The following UNCX variants were observed in gnomAD, a reference collection of about 807,000 sequenced individuals.
UNCX encodes the protein UNC homeobox.
UNCX carries 4 observed loss-of-function variants against 14.8 expected under a neutral mutation model. The ratio of observed to expected loss-of-function variants is 0.27; its 90% CI spans 0.13 to 0.62. The LOEUF (loss-of-function observed/expected upper bound fraction) is 0.62, where lower values mean the gene tolerates loss of function less well. Among genes scored for constraint, UNCX ranks in the 20% least tolerant of loss-of-function variants. UNCX has a pLI of 0.86. For missense variants in UNCX, 749 were observed against 786.8 expected (o/e 0.95, Z 0.58); for synonymous variants, 459 against 395.8 (o/e 1.16, Z -1.90).
chr7:1,233,467 G>C lies in UNCX; in HGVS notation c.275-53G>C. On this transcript the variant is annotated intron_variant, in intron 1 of 2. Transcript: ENST00000316333. The surrounding 1 kb of genome is among the most constrained non-coding windows in gnomAD (Gnocchi z 5.3). The stretch of plus-strand genomic sequence containing the variant: ...GCGGGTAGCGGGAGGGAGGGGTGGG[G>C]GTCGGGCCTGGGCCGGTGGCTGAGC... The C allele has an allele frequency of 6.7e-7, 1 of 1,491,710 alleles. No individual in the cohort carries two copies. The allele number at this position is 1,491,710 out of a possible 1,614,324, so 92.4% of individuals were successfully genotyped here.
At position 1,236,897 on chromosome 7, in the gene UNCX, C is replaced by G; in HGVS notation, c.1516C>G (p.Pro506Ala). Reference sequence around the variant, plus strand: ...TCGGCCTCCCAGCCCCGCCGAGGAGCCGGCCACCTGCGGGGTTCCCGAGCC... The same window carrying G: ...TCGGCCTCCCAGCCCCGCCGAGGAGGCGGCCACCTGCGGGGTTCCCGAGCC... Reference protein sequence around the residue: ...GPRPPSPAEEPATCGVPEPGA... With the variant: ...GPRPPSPAEEAATCGVPEPGA... Residue 506 changes from proline (P) to alanine (A), a missense_variant, in exon 3 of 3, where the codon CCG becomes GCG. By Grantham distance (27) the Pro-to-Ala change is conservative. Around this residue, in one of 3 missense-constraint regions of UNCX, gnomAD observed 552 missense variants for 507.2 expected, o/e 1.09. Coordinates refer to ENST00000316333, the MANE Select transcript of UNCX (RefSeq NM_001080461.3). This position sits in a 1 kb window ranked among gnomAD's most constrained non-coding sequence, Gnocchi z 6.9. 1.7e-6 allele frequency: 2 copies of G among 1,146,952 alleles called. No individual in the cohort carries two copies. The highest frequency in any genetic ancestry group is 2.1e-6 in the Non-Finnish European group (2 of 934,204). The allele number at this position is 1,146,952 out of a possible 1,614,324, so 71.0% of individuals were successfully genotyped here.
rs749373332 is a variant in UNCX at position 1,233,707 on chromosome 7, G to C, written c.450+12G>C. 1.9e-6 allele frequency: 3 copies of C among 1,583,956 alleles called. No homozygotes were observed. The East Asian group carries it at 7.0e-5, about 37-fold the overall frequency. On this transcript the variant is annotated intron_variant, in intron 2 of 2. Transcript: ENST00000316333. The surrounding 1 kb of genome is among the most constrained non-coding windows in gnomAD (Gnocchi z 5.3). ...AGTCCCGAGTTCAGGTAAAGACCCG[G>C]CGTCGCTCCCGGATCTGCCATCCGG...
chr7:1,233,722 C>A lies in UNCX; in HGVS notation c.450+27C>A, dbSNP rs372224174. ...TAAAGACCCGGCGTCGCTCCCGGAT[C>A]TGCCATCCGGACCCCAGGCTCTGGG... On this transcript the variant is annotated intron_variant, in intron 2 of 2. Transcript: ENST00000316333. This position sits in a 1 kb window ranked among gnomAD's most constrained non-coding sequence, Gnocchi z 5.3. The A allele has an allele frequency of 1.9e-6, 3 of 1,576,812 alleles. No individual in the cohort carries two copies. The highest frequency in any genetic ancestry group is 2.6e-6 in the Non-Finnish European group (3 of 1,157,024).
chr7:1,234,076 AC>A lies in UNCX; in HGVS notation c.450+390del, dbSNP rs751327990. Among the ~76,000 whole-genome samples the A allele has an allele frequency of 2.1e-3, 268 of 126,654 alleles. 2 individuals are homozygous for A. Among genetic ancestry groups the A allele is most frequent in the Admixed American group, 2.8e-3 (36 of 12,732 alleles). 83.1% of individuals were successfully genotyped at this position (126,654 alleles called of 152,430 possible). ...CGACCCGGAGGAGAGAGGGAAGGGG[AC>A]CCCCCCCCGCCCCCGCACCGCCTCA... On this transcript the variant is annotated intron_variant, in intron 2 of 2. Coordinates refer to ENST00000316333, the MANE Select transcript of UNCX (RefSeq NM_001080461.3).
At position 1,236,357 on chromosome 7, in the gene UNCX, C is replaced by A; in HGVS notation, c.976C>A (p.Leu326Met). Residue 326 changes from leucine (L) to methionine (M), a missense_variant, in exon 3 of 3, where the codon CTG becomes ATG. By Grantham distance (15) the Leu-to-Met change is conservative. Around this residue, in one of 3 missense-constraint regions of UNCX, gnomAD observed 552 missense variants for 507.2 expected, o/e 1.09. Coordinates refer to ENST00000316333, the MANE Select transcript of UNCX (RefSeq NM_001080461.3). This position sits in a 1 kb window ranked among gnomAD's most constrained non-coding sequence, Gnocchi z 6.9. The stretch of plus-strand genomic sequence containing the variant: ...GGCGGTGGAGCGCGGCGCCGCGGGG[C>A]TGCCCAAGGCCAGCCCATTCAGCGT... Reference protein sequence around the residue: ...VAAVERGAAGLPKASPFSVES... With the variant: ...VAAVERGAAGMPKASPFSVES... 1 of 1,321,722 alleles carries A rather than the reference C, an allele frequency of 7.6e-7. No individual in the cohort carries two copies. The highest frequency in any genetic ancestry group is 9.7e-7 in the Non-Finnish European group (1 of 1,034,178). The allele number at this position is 1,321,722 out of a possible 1,614,324, so 81.9% of individuals were successfully genotyped here.
Position 1,236,298 on chromosome 7 carries a change from A to G in UNCX, c.917A>G (p.Asp306Gly). 1 of 1,363,686 alleles carries G rather than the reference A, an allele frequency of 7.3e-7. No homozygotes were observed. The highest frequency in any genetic ancestry group is 1.5e-5 in the South Asian group (1 of 68,904). 84.5% of individuals were successfully genotyped at this position (1,363,686 alleles called of 1,614,324 possible). ...CGCCCAGGTCGCCCTGCGGACAAGG[A>G]CGCGGCCTCGTGCGGGCCAGGGGCC... ...QPRPGRPADK[D>G]AASCGPGAAV... The change falls in exon 3 of 3, where the codon GAC (aspartate) becomes GGC (glycine). Residue 306 changes from aspartate (D) to glycine (G), a missense_variant. Around this residue, in one of 3 missense-constraint regions of UNCX, gnomAD observed 552 missense variants for 507.2 expected, o/e 1.09. Transcript: ENST00000316333. This position sits in a 1 kb window ranked among gnomAD's most constrained non-coding sequence, Gnocchi z 6.9.
chr7:1,233,102 G>A lies in UNCX; in HGVS notation c.85G>A (p.Gly29Ser). Reference protein sequence around the residue: ...GGVVGFPYPLGHHHVYELAGH... With the variant: ...GGVVGFPYPLSHHHVYELAGH... Reference sequence around the variant, plus strand: ...CGTGGTGGGCTTCCCCTACCCGCTGGGCCACCACCACGTGTACGAGCTGGC... The same window carrying A: ...CGTGGTGGGCTTCCCCTACCCGCTGAGCCACCACCACGTGTACGAGCTGGC... Residue 29 changes from glycine to serine, a missense_variant, in exon 1 of 3, where the codon GGC becomes AGC. By Grantham distance (56) the Gly-to-Ser change is moderately conservative (BLOSUM62 0). Transcript: ENST00000316333. The surrounding 1 kb of genome is among the most constrained non-coding windows in gnomAD (Gnocchi z 5.3). The A allele has an allele frequency of 1.4e-6, 2 of 1,460,112 alleles. No individual in the cohort carries two copies. Among genetic ancestry groups the A allele is most frequent in the Non-Finnish European group, 9.0e-7 (1 of 1,109,010 alleles). 90.4% of individuals were successfully genotyped at this position (1,460,112 alleles called of 1,614,324 possible). A position where few individuals can be genotyped will look rare whatever the true frequency, so the allele number is the denominator to read the frequency against.
rs1275542369 is a variant in UNCX, at chr7:1,237,082, T to C, written c.*105T>C. 6.6e-6 allele frequency: 6 copies of C among 908,030 alleles called. No homozygotes were observed. In the African/African-American group the frequency reaches 9.0e-5, roughly 14 times the overall value. 56.2% of individuals were successfully genotyped at this position (908,030 alleles called of 1,614,324 possible). On this transcript the variant is annotated 3_prime_UTR_variant, in exon 3 of 3. Transcript: ENST00000316333. The surrounding 1 kb of genome is among the most constrained non-coding windows in gnomAD (Gnocchi z 5.8). ...TCGGCTCTAGAAACACTGCTTTCCC[T>C]TCTTTTCTTTTGTTTTCTTTCTTTT...
chr7:1,234,078 C>G (rs890669837), intron 2 of UNCX, among the ~76,000 whole-genome samples: 1 of 149,108 alleles, frequency 6.7e-6, no homozygotes, highest in South Asian at 2.2e-4. Flanking sequence ...GGAAGGGGAC[C>G]CCCCCCCGCC....
rs888281960 is a variant in UNCX at position 1,233,092 on chromosome 7, C to T, written c.75C>T (p.Pro25=). 11 of 1,455,966 alleles carry T rather than the reference C, an allele frequency of 7.6e-6. No homozygotes were observed. The highest frequency in any genetic ancestry group is 2.2e-4 in the Middle Eastern group (1 of 4,504). 90.2% of individuals were successfully genotyped at this position (1,455,966 alleles called of 1,614,324 possible). The part of the protein sequence containing the change: ...GGSLGGVVGF[P]YPLGHHHVYE... Reference sequence around the variant, plus strand: ...CGCTGGGCGGCGTGGTGGGCTTCCCCTACCCGCTGGGCCACCACCACGTGT... The same window carrying T: ...CGCTGGGCGGCGTGGTGGGCTTCCCTTACCCGCTGGGCCACCACCACGTGT... The change falls in exon 1 of 3, where the codon CCC becomes CCT. Residue 25 remains proline, a synonymous_variant. Coordinates refer to ENST00000316333, the MANE Select transcript of UNCX (RefSeq NM_001080461.3). This position sits in a 1 kb window ranked among gnomAD's most constrained non-coding sequence, Gnocchi z 5.3.
chr7:1,233,133 A>G lies in UNCX; in HGVS notation c.116A>G (p.His39Arg). ...GHHHVYELAG[H>R]QLQSAAAAAS... Reference sequence around the variant, plus strand: ...CACCACGTGTACGAGCTGGCCGGGCACCAGCTGCAGTCGGCCGCCGCCGCC... The same window carrying G: ...CACCACGTGTACGAGCTGGCCGGGCGCCAGCTGCAGTCGGCCGCCGCCGCC... Residue 39 changes from histidine to arginine, a missense_variant, in exon 1 of 3, where the codon CAC (histidine) becomes CGC (arginine). Coordinates refer to ENST00000316333, the MANE Select transcript of UNCX (RefSeq NM_001080461.3). The surrounding 1 kb of genome is among the most constrained non-coding windows in gnomAD (Gnocchi z 5.3). 1.4e-6 allele frequency: 2 copies of G among 1,463,602 alleles called. No homozygotes were observed. The highest frequency in any genetic ancestry group is 1.3e-5 in the South Asian group (1 of 77,658). The allele number at this position is 1,463,602 out of a possible 1,614,324, so 90.7% of individuals were successfully genotyped here.
At chr7:1,234,081 C>A (rs900517806) in intron 2 of UNCX, among the ~76,000 whole-genome samples, 2 of 151,566 alleles carry the variant, frequency 1.3e-5, no homozygotes, top group Non-Finnish European at 2.9e-5. Flanking sequence ...AGGGGACCCC[C>A]CCCCGCCCCC....
Position 1,236,439 on chromosome 7 carries a change from CCGCCGCCGCCG to C in UNCX, c.1061_1071del (p.Ala354GlyfsTer205). The C allele has an allele frequency of 7.3e-7, 1 of 1,363,140 alleles. No homozygotes were observed. The highest frequency in any genetic ancestry group is 1.5e-5 in the South Asian group (1 of 66,874). 84.4% of individuals were successfully genotyped at this position (1,363,140 alleles called of 1,614,324 possible). A position where few individuals can be genotyped will look rare whatever the true frequency, so the allele number is the denominator to read the frequency against. On this transcript the variant is annotated frameshift_variant, in exon 3 of 3. Coordinates refer to ENST00000316333, the MANE Select transcript of UNCX (RefSeq NM_001080461.3). LOFTEE classifies it low-confidence loss of function (END_TRUNC). This position sits in a 1 kb window ranked among gnomAD's most constrained non-coding sequence, Gnocchi z 6.9. ...CGGAAAGCCGCTTCCAACGCCGCCG[CCGCCGCCGCCG>C]CGGGGCTGGACTTCGCGCCCGGGCT...
At position 1,236,489 on chromosome 7, in the gene UNCX, C is replaced by A; in HGVS notation, c.1108C>A (p.Arg370=). 1 of 1,399,996 alleles carries A rather than the reference C, an allele frequency of 7.1e-7. No homozygotes were observed. Among genetic ancestry groups the A allele is most frequent in the Non-Finnish European group, 9.3e-7 (1 of 1,073,262 alleles). The allele number at this position is 1,399,996 out of a possible 1,614,324, so 86.7% of individuals were successfully genotyped here. A position where few individuals can be genotyped will look rare whatever the true frequency, so the allele number is the denominator to read the frequency against. Reference sequence around the variant, plus strand: ...CGCGCCCGGGCTGCCGTGCGCGCCGCGGACCCTGATCGGCAAGGGCCACTT... The same window carrying A: ...CGCGCCCGGGCTGCCGTGCGCGCCGAGGACCCTGATCGGCAAGGGCCACTT... ...DFAPGLPCAP[R]TLIGKGHFLL... Residue 370 remains arginine, a synonymous_variant, in exon 3 of 3, where the codon CGG becomes AGG. Coordinates refer to ENST00000316333, the MANE Select transcript of UNCX (RefSeq NM_001080461.3). The surrounding 1 kb of genome is among the most constrained non-coding windows in gnomAD (Gnocchi z 6.9).
At position 1,233,228 on chromosome 7, in the gene UNCX, C is replaced by G; in HGVS notation, c.211C>G (p.Pro71Ala). ...CGCCGCCGCCGCCTCGGTGGTCAAC[C>G]CCACGCCGCTGCTGCCAGCCGCCTG... ...SCAAAASVVN[P>A]TPLLPAACGV... The change falls in exon 1 of 3, where the codon CCC becomes GCC. Residue 71 changes from proline (P) to alanine (A), a missense_variant. Coordinates refer to ENST00000316333, the MANE Select transcript of UNCX (RefSeq NM_001080461.3). The surrounding 1 kb of genome is among the most constrained non-coding windows in gnomAD (Gnocchi z 5.3). The G allele has an allele frequency of 7.1e-7, 1 of 1,412,468 alleles. No homozygotes were observed. The highest frequency in any genetic ancestry group is 9.2e-7 in the Non-Finnish European group (1 of 1,086,594). 87.5% of individuals were successfully genotyped at this position (1,412,468 alleles called of 1,614,324 possible).
chr7:1,235,933 C>T lies in UNCX; in HGVS notation c.552C>T (p.Gly184=). Residue 184 remains glycine, a synonymous_variant, in exon 3 of 3, where the codon GGC becomes GGT. Transcript: ENST00000316333. ...ACTCGCACCCGACCACGTGCAGCGGCGAGCCCATGGACCCGGAGGAGATCG... is the reference window on the plus strand; with the variant it reads ...ACTCGCACCCGACCACGTGCAGCGGTGAGCCCATGGACCCGGAGGAGATCG... The part of the protein sequence containing the change: ...AHNSHPTTCS[G]EPMDPEEIAR... The T allele has an allele frequency of 6.2e-7, 1 of 1,612,588 alleles. No homozygotes were observed. Among genetic ancestry groups the T allele is most frequent in the Middle Eastern group, 1.7e-4 (1 of 5,938 alleles).
Position 1,233,440 on chromosome 7 carries a change from C to T in UNCX, c.275-80C>T. The stretch of plus-strand genomic sequence containing the variant: ...GCCCCCCCCCCCGGATCCAGGCGGC[C>T]AGCGGGTAGCGGGAGGGAGGGGTGG... On this transcript the variant is annotated intron_variant, in intron 1 of 2. Coordinates refer to ENST00000316333, the MANE Select transcript of UNCX (RefSeq NM_001080461.3). This position sits in a 1 kb window ranked among gnomAD's most constrained non-coding sequence, Gnocchi z 5.3. 2.2e-6 allele frequency: 3 copies of T among 1,345,998 alleles called. No individual in the cohort carries two copies. Among genetic ancestry groups the T allele is most frequent in the African/African-American group, 1.6e-5 (1 of 62,830 alleles). The allele number at this position is 1,345,998 out of a possible 1,614,324, so 83.4% of individuals were successfully genotyped here.
At position 1,234,248 on chromosome 7, in the gene UNCX, GT is replaced by G. The variant is rs557989144; in HGVS notation, c.450+555del. On this transcript the variant is annotated intron_variant, in intron 2 of 2. Transcript: ENST00000316333. ...GGAAGGGGAGGCAGAAGCTTAAACAGTTAACACATTGAGAAAGTGGGAGAAA... is the reference window on the plus strand; with the variant it reads ...GGAAGGGGAGGCAGAAGCTTAAACAGTAACACATTGAGAAAGTGGGAGAAA... Among the ~76,000 whole-genome samples, 570 of 152,298 alleles carry G rather than the reference GT, an allele frequency of 3.7e-3. 4 individuals carry two copies. The highest frequency in any genetic ancestry group is 0.013 in the African/African-American group (541 of 41,566).
Position 1,236,990 on chromosome 7 carries a change from C to A in UNCX, c.*13C>A. The A allele has an allele frequency of 8.4e-7, 1 of 1,185,900 alleles. No individual in the cohort carries two copies. Among genetic ancestry groups the A allele is most frequent in the South Asian group, 4.1e-5 (1 of 24,354 alleles). The allele number at this position is 1,185,900 out of a possible 1,614,324, so 73.5% of individuals were successfully genotyped here. A position where few individuals can be genotyped will look rare whatever the true frequency, so the allele number is the denominator to read the frequency against. Reference sequence around the variant, plus strand: ...GGACATGGACTGAGGCCGCGGCGGCCGGGAGAGGCGCGTAGCCGGCCCGCG... The same window carrying A: ...GGACATGGACTGAGGCCGCGGCGGCAGGGAGAGGCGCGTAGCCGGCCCGCG... On this transcript the variant is annotated 3_prime_UTR_variant, in exon 3 of 3. Transcript: ENST00000316333. The surrounding 1 kb of genome is among the most constrained non-coding windows in gnomAD (Gnocchi z 6.9).
Sources: gnomAD v4.1 joint callset for allele counts (sites outside exome capture counted in the v4.1 genomes callset) on GRCh38, gnomAD v4.1.1 for gene constraint, gnomAD v4.1.1 regional missense constraint, Gnocchi (gnomAD v3.1) non-coding constraint, MANE v1.5 for transcripts, NCBI Gene and HGNC (gene_info 2026-07-23, HGNC 2026-07-21) for gene names.